Variants in GABRB1 observed in about 807,000 individuals in gnomAD.
GABRB1 encodes the protein gamma-aminobutyric acid type A receptor subunit beta1, also known as gamma-aminobutyric acid receptor subunit beta-1.
Under a neutral mutation model 51.6 loss-of-function variants are expected in GABRB1, and 17 were observed. The ratio of observed to expected loss-of-function variants is 0.33; its 90% CI spans 0.23 to 0.49. The LOEUF is 0.49. GABRB1 is among the 20% of genes least tolerant of loss of function. The pLI is 0.99. For synonymous variants in GABRB1, 247 were observed against 218.9 expected (o/e 1.13, Z -1.14); for missense variants, 410 against 600.6 (o/e 0.68, Z 3.32).
chr4:47,390,060 A>G (rs1578140430), intron 5 of GABRB1, among the ~76,000 whole-genome samples: 1 of 152,244 alleles, frequency 6.6e-6, no homozygotes, highest in East Asian at 1.9e-4. Context: ...GCAAACAGCT[A>G]AAAGAGAAAA....
intron 4 of GABRB1, among the ~76,000 whole-genome samples, chr4:47,195,774 T>G (rs1719660618): frequency 6.6e-6 from 1 of 152,214 alleles, no homozygotes; most frequent in Non-Finnish European, 1.5e-5. Context: ...TCTTGAAGAC[T>G]CCACTGAATT....
intron 4 of GABRB1, among the ~76,000 whole-genome samples, chr4:47,287,233 G>A (rs750358349): frequency 4.6e-5 from 7 of 152,110 alleles, no homozygotes; most frequent in African/African-American, 9.7e-5. Context: ...AGCTTTCCCC[G>A]TATCTTTCCC....
intron 3 of GABRB1, among the ~76,000 whole-genome samples, chr4:47,117,492 C>T (rs941185178): frequency 6.6e-6 from 1 of 152,148 alleles, no homozygotes; most frequent in Non-Finnish European, 1.5e-5. Context: ...ATATCAATAT[C>T]TCTTCATGAT....
At chr4:47,343,685 G>C (rs961273571) in intron 5 of GABRB1, among the ~76,000 whole-genome samples, 2 of 152,154 alleles carry the variant, frequency 1.3e-5, no homozygotes, top group African/African-American at 4.8e-5. Flanking sequence ...TTTGCAGCCT[G>C]GCATGTATAT....
chr4:47,370,213 A>G (rs949029715), intron 5 of GABRB1, among the ~76,000 whole-genome samples: 5 of 152,190 alleles, frequency 3.3e-5, no homozygotes, highest in Non-Finnish European at 7.4e-5. Flanking sequence ...TAGTTTAAGA[A>G]AAGTCTGGCT....
At chr4:47,414,815 G>A (rs1029331664) in intron 8 of GABRB1, among the ~76,000 whole-genome samples, 16 of 152,078 alleles carry the variant, frequency 1.1e-4, no homozygotes, top group African/African-American at 3.6e-4. Flanking sequence ...ATGTGCAGGT[G>A]GAGGTGGGCA....
intron 4 of GABRB1, among the ~76,000 whole-genome samples, chr4:47,211,090 G>C (rs902149764): frequency 2.6e-5 from 4 of 152,174 alleles, no homozygotes; most frequent in African/African-American, 9.7e-5. Context: ...ACATGTCTGT[G>C]CTTGGGCACT....
At chr4:47,049,174 A>G (rs1314531825) in intron 3 of GABRB1, among the ~76,000 whole-genome samples, 2 of 152,142 alleles carry the variant, frequency 1.3e-5, no homozygotes, top group East Asian at 1.9e-4. Flanking sequence ...GAGGAAACAC[A>G]ATAGTTTTCC....
intron 4 of GABRB1, among the ~76,000 whole-genome samples, chr4:47,219,396 C>T (rs1370621797): frequency 6.6e-6 from 1 of 151,862 alleles, no homozygotes; most frequent in Non-Finnish European, 1.5e-5. Context: ...AGGTACTCCA[C>T]AAGTGTATGT....
chr4:47,145,093 T>A (rs1717102416), intron 3 of GABRB1, among the ~76,000 whole-genome samples: 2 of 151,844 alleles, frequency 1.3e-5, no homozygotes, highest in South Asian at 4.2e-4. Flanking sequence ...CTAAAAGATA[T>A]GGGAAAGGCA....
chr4:47,425,386 C>CACACACACAT (rs1361808396), intron 8 of GABRB1, among the ~76,000 whole-genome samples: 31 of 150,430 alleles, frequency 2.1e-4, no homozygotes, highest in African/African-American at 6.6e-4. Context: ...ACCACACACA[C>CACACACACAT]ACACACACAC....
Position 47,077,064 on chromosome 4 carries a change from C to T in GABRB1, c.240+44580C>T, listed in dbSNP as rs1727587652. 2.6e-5 allele frequency among the ~76,000 whole-genome samples: 4 copies of T among 152,168 alleles called. No homozygotes were observed. In the South Asian group the frequency reaches 8.3e-4, roughly 32 times the overall value. ...TTTCATCCTCTCTTCTTTCTAATCC[C>T]CACAGCCAGTCACTAAGTGCCACCT... On this transcript the variant is annotated intron_variant, in intron 3 of 8. Transcript: ENST00000295454.
intron 4 of GABRB1, among the ~76,000 whole-genome samples, chr4:47,209,217 G>A (rs539067957): frequency 2.0e-5 from 3 of 152,006 alleles, no homozygotes; most frequent in South Asian, 2.1e-4. Flanking sequence ...CTACTCAAAC[G>A]TCACTTCAGA....
intron 3 of GABRB1, among the ~76,000 whole-genome samples, chr4:47,113,248 T>A (rs926056455): frequency 1.3e-4 from 20 of 152,040 alleles, no homozygotes; most frequent in African/African-American, 4.8e-4. Context: ...TAGCTGGGTG[T>A]GGTGTCGTGC....
At chr4:47,333,070 A>G (rs1485183591) in intron 5 of GABRB1, among the ~76,000 whole-genome samples, 2 of 147,640 alleles carry the variant, frequency 1.4e-5, no homozygotes, top group Non-Finnish European at 3.0e-5. Context: ...ATCTATTTTT[A>G]AAATTCATAT....
At chr4:47,082,890 G>A (rs1278457015) in intron 3 of GABRB1, among the ~76,000 whole-genome samples, 1 of 152,060 alleles carries the variant, frequency 6.6e-6, no homozygotes, top group Admixed American at 6.6e-5. Context: ...AACTTCTATT[G>A]AAGTCGCCAA....
intron 4 of GABRB1, among the ~76,000 whole-genome samples, chr4:47,164,595 G>A (rs1406905251): frequency 6.6e-6 from 1 of 152,038 alleles, no homozygotes; most frequent in Non-Finnish European, 1.5e-5. Flanking sequence ...TGAATGCACT[G>A]GAAAGCCTTT....
intron 3 of GABRB1, among the ~76,000 whole-genome samples, chr4:47,038,177 G>A (rs1359522242): frequency 1.3e-5 from 2 of 152,156 alleles, no homozygotes; most frequent in Admixed American, 6.5e-5. Flanking sequence ...CTCCTGGTAG[G>A]TGAGTCAATC....
chr4:47,410,218 G>C (rs184497498), intron 8 of GABRB1, among the ~76,000 whole-genome samples: 60 of 152,240 alleles, frequency 3.9e-4, no homozygotes, highest in Admixed American at 2.0e-3. Context: ...CTCCACAAAT[G>C]ATTTCCACAG....
Sources: gnomAD v4.1 joint callset for allele counts (sites outside exome capture counted in the v4.1 genomes callset) on GRCh38, gnomAD v4.1.1 for gene constraint, MANE v1.5 for transcripts, NCBI Gene and HGNC (gene_info 2026-07-23, HGNC 2026-07-21) for gene names.